Variants in RHOT1 observed in about 807,000 individuals in gnomAD.
The protein encoded by RHOT1 is mitochondrial Rho GTPase 1.
RHOT1 carries 27 observed loss-of-function variants against 95.3 expected under a neutral mutation model. That is an observed-to-expected ratio of 0.28 (90% CI 0.21 to 0.39). The LOEUF is 0.39. Among genes scored for constraint, RHOT1 ranks in the 10% least tolerant of loss-of-function variants. The pLI, the probability that RHOT1 is intolerant of heterozygous loss-of-function variation, is 1.00. For synonymous variants in RHOT1, 227 were observed against 263.5 expected (o/e 0.86, Z 1.34); for missense variants, 578 against 786.7 (o/e 0.73, Z 3.17).
At chr17:32,181,968 A>C (rs1383747504) in intron 6 of RHOT1, among the ~76,000 whole-genome samples, 1 of 152,158 alleles carries the variant, frequency 6.6e-6, no homozygotes, top group Non-Finnish European at 1.5e-5. Flanking sequence ...GCCTTTGCAC[A>C]TGCTGTTCCT....
At chr17:32,213,894 A>T (rs2038286120) in intron 19 of RHOT1, among the ~76,000 whole-genome samples, 1 of 152,208 alleles carries the variant, frequency 6.6e-6, no homozygotes, top group African/African-American at 2.4e-5. Flanking sequence ...ATAGTAAATT[A>T]TACAATGGCC....
At chr17:32,207,303 G>T in intron 17 of RHOT1, 1 of 293,786 alleles carries the variant, frequency 3.4e-6, no homozygotes, top group Non-Finnish European at 6.2e-6. Context: ...GCTGTTAAAA[G>T]TTACATATGT....
chr17:32,161,946 G>A, intron 1 of RHOT1, among the ~76,000 whole-genome samples: 1 of 152,216 alleles, frequency 6.6e-6, no homozygotes, highest in Non-Finnish European at 1.5e-5. Flanking sequence ...AGAGTCCCGA[G>A]CTCAGGAGCT....
chr17:32,192,832 C>T (rs1333002937), intron 9 of RHOT1, among the ~76,000 whole-genome samples: 1 of 152,032 alleles, frequency 6.6e-6, no homozygotes, highest in Non-Finnish European at 1.5e-5. Flanking sequence ...CCACAACACC[C>T]AGCTAATTTT....
rs1404908236 is a variant in RHOT1 at position 32,194,039 on chromosome 17, T to C, written c.801T>C (p.Thr267=). 6 of 1,614,158 alleles carry C rather than the reference T, an allele frequency of 3.7e-6. No homozygotes were observed. In the South Asian group the frequency reaches 6.6e-5, roughly 18 times the overall value. ...LFIQRGRHET[T]WTVLRRFGYD... The stretch of plus-strand genomic sequence containing the variant: ...TCCAGAGAGGGAGACACGAAACTAC[T>C]TGGACTGTGCTTCGACGATTTGGTT... Residue 267 remains threonine, a synonymous_variant, in exon 11 of 20, where the codon ACT becomes ACC. Coordinates refer to ENST00000545287, the MANE Select transcript of RHOT1 (RefSeq NM_001033566.3).
intron 18 of RHOT1, chr17:32,209,339 GT>G: frequency 6.7e-7 from 1 of 1,494,604 alleles, no homozygotes; most frequent in Non-Finnish European, 9.2e-7. Context: ...TCTCATGTAT[GT>G]TATCTACAGA....
In RHOT1 at chr17:32,206,900, C is replaced by T; in HGVS notation, c.1417-10C>T. On this transcript the variant is annotated splice_polypyrimidine_tract_variant and intron_variant, in intron 16 of 19. Coordinates refer to ENST00000545287, the MANE Select transcript of RHOT1 (RefSeq NM_001033566.3). ...TACTTATATTTTTCATTATCTTTTT[C>T]TTTTACAAGTTGCATGATATCTCAG... 1 of 1,548,320 alleles carries T rather than the reference C, an allele frequency of 6.5e-7. No individual in the cohort carries two copies. Among genetic ancestry groups the T allele is most frequent in the Non-Finnish European group, 8.9e-7 (1 of 1,127,712 alleles).
In RHOT1 at chr17:32,218,351, T is replaced by G. The variant is rs374590064; in HGVS notation, c.1863-6265T>G. On this transcript the variant is annotated intron_variant, in intron 19 of 19. Coordinates refer to ENST00000545287, the MANE Select transcript of RHOT1 (RefSeq NM_001033566.3). ...AAAAAATTTAAAAAAATAAAAAAAT[T>G]TTAAAACAAGCTGGGTGTGATGGCT... Among the ~76,000 whole-genome samples, 335 of 151,376 alleles carry G rather than the reference T, an allele frequency of 2.2e-3. 2 individuals are homozygous for G. Among genetic ancestry groups the G allele is most frequent in the Non-Finnish European group, 3.0e-3 (204 of 67,804 alleles).
At chr17:32,158,337 T>C (rs2033174448) in intron 1 of RHOT1, among the ~76,000 whole-genome samples, 1 of 152,206 alleles carries the variant, frequency 6.6e-6, no homozygotes, top group South Asian at 2.1e-4. Context: ...TTTTCCCTAG[T>C]TTGTTATAGG....
intron 8 of RHOT1, among the ~76,000 whole-genome samples, chr17:32,186,822 A>G (rs916188307): frequency 1.3e-5 from 2 of 151,976 alleles, no homozygotes; most frequent in African/African-American, 4.8e-5. Context: ...CACCACACAC[A>G]GCTAATTTTT....
chr17:32,193,995 T>C lies in RHOT1; in HGVS notation c.757T>C (p.Phe253Leu), dbSNP rs2040069647. 6.2e-7 allele frequency: 1 copy of C among 1,613,026 alleles called. No homozygotes were observed. The highest frequency in any genetic ancestry group is 8.5e-7 in the Non-Finnish European group (1 of 1,179,134). The part of the protein sequence containing the change: ...DSGLTLKGFL[F>L]LHTLFIQRGR... The stretch of plus-strand genomic sequence containing the variant: ...AATTTACTTTATTTCAGGTTTTCTC[T>C]TTTTACACACACTTTTTATCCAGAG... The change falls in exon 11 of 20, where the codon TTT becomes CTT. Residue 253 changes from phenylalanine (F) to leucine (L), a missense_variant. Phe to Leu is a conservative substitution (Grantham distance 22). Transcript: ENST00000545287.
At position 32,211,123 on chromosome 17, in the gene RHOT1, C is replaced by T. The variant is rs2038103666; in HGVS notation, c.1747C>T (p.Arg583Trp). 1.2e-6 allele frequency: 2 copies of T among 1,606,050 alleles called. No homozygotes were observed. Among genetic ancestry groups the T allele is most frequent in the Non-Finnish European group, 1.7e-6 (2 of 1,174,132 alleles). Residue 583 changes from arginine to tryptophan, a missense_variant, in exon 19 of 20, where the codon CGG becomes TGG. Around this residue, in one of 4 missense-constraint regions of RHOT1, gnomAD observed 296 missense variants for 338.5 expected, o/e 0.87. Coordinates refer to ENST00000545287, the MANE Select transcript of RHOT1 (RefSeq NM_001033566.3). ...LTTMAMYPHA[R>W]LRCMCTCNRC... ...TTCTGTGTGTTTTCGCAGCCATGCC[C>T]GGTTACGCTGTATGTGCACCTGCAA...
intron 8 of RHOT1, among the ~76,000 whole-genome samples, chr17:32,190,370 G>A (rs1220343258): frequency 1.3e-5 from 2 of 151,914 alleles, no homozygotes; most frequent in African/African-American, 4.8e-5. Context: ...CAGGAGAATC[G>A]CTTGAACCTG....
intron 1 of RHOT1, among the ~76,000 whole-genome samples, chr17:32,158,268 T>G (rs919012080): frequency 6.6e-6 from 1 of 152,068 alleles, no homozygotes; most frequent in Non-Finnish European, 1.5e-5. Context: ...ATAGTAGGAG[T>G]CTAGACAAAA....
At chr17:32,149,460 T>G (rs1396073712) in intron 1 of RHOT1, among the ~76,000 whole-genome samples, 1 of 105,148 alleles carries the variant, frequency 9.5e-6, no homozygotes, top group Non-Finnish European at 1.8e-5. Flanking sequence ...TAAGCATATT[T>G]AAATAGTTTT....
intron 11 of RHOT1, among the ~76,000 whole-genome samples, chr17:32,195,255 C>T (rs1223665361): frequency 1.3e-5 from 2 of 152,056 alleles, no homozygotes; most frequent in East Asian, 1.9e-4. Flanking sequence ...AACACAATGC[C>T]TGGCTTTTTT....
intron 11 of RHOT1, among the ~76,000 whole-genome samples, chr17:32,197,436 A>T (rs56964613): frequency 0.1 from 13,610 of 131,078 alleles, 2,072 homozygotes; most frequent in African/African-American, 0.35. Flanking sequence ...TTATTTTTTT[A>T]TTTTTTGAGA....
chr17:32,224,192 A>C (rs2039005003), intron 19 of RHOT1, among the ~76,000 whole-genome samples: 6 of 152,226 alleles, frequency 3.9e-5, no homozygotes, highest in Admixed American at 2.6e-4. Flanking sequence ...AACTGCTTAC[A>C]AAATAGCTTT....
intron 2 of RHOT1, among the ~76,000 whole-genome samples, chr17:32,173,229 A>G (rs1208858391): frequency 1.3e-5 from 2 of 152,308 alleles, no homozygotes; most frequent in South Asian, 4.1e-4. Flanking sequence ...GGGGTAATAC[A>G]AGTTGAGCAT....
Sources: allele counts gnomAD v4.1 joint callset (sites outside exome capture counted in the v4.1 genomes callset), GRCh38; gene constraint gnomAD v4.1.1; regional missense constraint gnomAD v4.1.1; transcripts MANE v1.5; gene names NCBI Gene and HGNC (gene_info 2026-07-23, HGNC 2026-07-21).